PAK3: variants seen among roughly 807,000 people sequenced by gnomAD.
PAK3 encodes p21 (RAC1) activated kinase 3, also known as serine/threonine-protein kinase PAK 3.
In PAK3, 4 loss-of-function variants were observed where a neutral mutation model predicts 41.0. That is an observed-to-expected ratio of 0.10 (90% CI 0.05 to 0.22). The LOEUF (loss-of-function observed/expected upper bound fraction) is 0.22. Ranked by LOEUF, PAK3 falls within the 10% of genes least tolerant of loss-of-function variation. PAK3 has a pLI of 1.00. For missense variants in PAK3, 205 were observed against 409.9 expected (o/e 0.50, Z 4.32); for synonymous variants, 146 against 139.6 (o/e 1.05, Z -0.32).
intron 7 of PAK3, among the ~76,000 whole-genome samples, chrX:111,148,876 C>G (rs1025866986): frequency 9.0e-6 from 1 of 111,095 alleles, no homozygotes; most frequent in African/African-American, 3.3e-5. Flanking sequence ...CATTTCAGAA[C>G]CAATCATGCC....
chrX:111,103,481 G>A (rs769239717), intron 4 of PAK3, among the ~76,000 whole-genome samples, 175 bp downstream of exon 4: 7 of 112,164 alleles, frequency 6.2e-5, no homozygotes, highest in Non-Finnish European at 9.4e-5. Context: ...TTAGTCTCTT[G>A]CCTCCCTCCC....
chrX:111,160,830 G>A (rs1322793704), intron 8 of PAK3, among the ~76,000 whole-genome samples: 1 of 112,042 alleles, frequency 8.9e-6, no homozygotes, highest in Non-Finnish European at 1.9e-5. Context: ...ATTCCATGGT[G>A]TATATGTGCC....
chrX:110,972,810 C>G (rs896290448), intron 1 of PAK3, among the ~76,000 whole-genome samples: 1 of 111,196 alleles, frequency 9.0e-6, no homozygotes, highest in East Asian at 2.8e-4. Flanking sequence ...AAGCTAAAAA[C>G]CTTGAAAAAA....
intron 3 of PAK3, among the ~76,000 whole-genome samples, chrX:111,101,099 C>G (rs777636870): frequency 8.0e-5 from 9 of 112,029 alleles, no homozygotes; most frequent in Non-Finnish European, 1.7e-4. Flanking sequence ...TTGACATGAT[C>G]ACGTATACAA....
intron 16 of PAK3, among the ~76,000 whole-genome samples, chrX:111,210,638 CA>C (rs773810208): frequency 8.0e-5 from 9 of 111,916 alleles, no homozygotes; most frequent in African/African-American, 2.6e-4. Flanking sequence ...CTATTTTGTC[CA>C]GCAACAAAAA....
At chrX:111,212,865 A>G (rs1405387971) in intron 16 of PAK3, among the ~76,000 whole-genome samples, 1 of 112,069 alleles carries the variant, frequency 8.9e-6, no homozygotes, top group Non-Finnish European at 1.9e-5. Flanking sequence ...TCAAAAATTA[A>G]GTCACCAACA....
At position 111,189,365 on chromosome X, in the gene PAK3, A is replaced by T. The variant is rs780726209; in HGVS notation, c.831-2762A>T. On this transcript the variant is annotated intron_variant, in intron 11 of 17. Transcript: ENST00000372007. ...TTTTTTCCATGTCTTTGCTATCATG[A>T]ATAGTGCTGCAATGAACATACAAGT... Among the ~76,000 whole-genome samples the T allele has an allele frequency of 2.7e-5, 3 of 111,796 alleles. No individual in the cohort carries two copies. In the East Asian group the frequency reaches 8.4e-4, roughly 31 times the overall value.
chrX:111,159,983 G>A (rs1024953384), intron 8 of PAK3, among the ~76,000 whole-genome samples: 3 of 111,820 alleles, frequency 2.7e-5, no homozygotes, highest in Admixed American at 9.5e-5. Context: ...ATACATGATT[G>A]TAGAAAAGCC....
chrX:111,123,449 T>G (rs1283994249), intron 5 of PAK3, among the ~76,000 whole-genome samples, 171 bp downstream of exon 5: 1 of 113,068 alleles, frequency 8.8e-6, no homozygotes, highest in Non-Finnish European at 1.9e-5. Context: ...ATTGATTTAC[T>G]GTGGGCTGAC....
At chrX:111,006,478 G>C (rs1017705461) in intron 1 of PAK3, among the ~76,000 whole-genome samples, 1 of 111,924 alleles carries the variant, frequency 8.9e-6, no homozygotes, top group Non-Finnish European at 1.9e-5. Flanking sequence ...TGGCTCATCT[G>C]GGTGAGGGGT....
chrX:111,030,941 T>C (rs1047037656), intron 1 of PAK3, among the ~76,000 whole-genome samples: 1 of 111,423 alleles, frequency 9.0e-6, no homozygotes, highest in Non-Finnish European at 1.9e-5. Context: ...TACTAGTAAC[T>C]GTCTTAGAAT....
chrX:111,005,903 T>C, intron 1 of PAK3, among the ~76,000 whole-genome samples: 1 of 111,774 alleles, frequency 8.9e-6, no homozygotes, highest in East Asian at 2.8e-4. Flanking sequence ...AAAGGCCCAG[T>C]ACATCTCATA....
chrX:110,978,739 T>C (rs183772207), intron 1 of PAK3, among the ~76,000 whole-genome samples: 65 of 109,816 alleles, frequency 5.9e-4, no homozygotes, highest in African/African-American at 2.1e-3. Context: ...TTTCTTTCTT[T>C]CTTCTTTCCT....
At position 111,220,416 on chromosome X, in the gene PAK3, C is replaced by CA; in HGVS notation, c.1607dup (p.Glu537GlyfsTer4). The CA allele has an allele frequency of 8.3e-7, 1 of 1,200,173 alleles. No homozygotes were observed. The highest frequency in any genetic ancestry group is 1.1e-6 in the Non-Finnish European group (1 of 885,822). ...AGCCTGACTCCTCTGATTATCGCTGCAAAGGAAGCAATTAAGAACAGCAGC... is the reference window on the plus strand; with the variant it reads ...AGCCTGACTCCTCTGATTATCGCTGCAAAAGGAAGCAATTAAGAACAGCAGC... On this transcript the variant is annotated frameshift_variant, in exon 18 of 18. Coordinates refer to ENST00000372007, the MANE Select transcript of PAK3 (RefSeq NM_002578.5). LOFTEE classifies it high-confidence loss of function.
intron 1 of PAK3, among the ~76,000 whole-genome samples, chrX:111,057,834 G>A (rs1019798910): frequency 1.8e-5 from 2 of 111,333 alleles, no homozygotes; most frequent in African/African-American, 3.3e-5. Context: ...GTCACTCCCC[G>A]CTCTCCCCTA....
chrX:111,176,451 A>G (rs1216597721), intron 11 of PAK3, among the ~76,000 whole-genome samples: 1 of 110,948 alleles, frequency 9.0e-6, no homozygotes, highest in Non-Finnish European at 1.9e-5. Context: ...ACATATACCT[A>G]AGTAATAAAC....
At chrX:110,994,720 A>G (rs2091710942) in intron 1 of PAK3, among the ~76,000 whole-genome samples, 1 of 111,494 alleles carries the variant, frequency 9.0e-6, no homozygotes, top group Admixed American at 9.5e-5. Context: ...AGTTGAACCA[A>G]TGTTTGAATA....
intron 14 of PAK3, among the ~76,000 whole-genome samples, chrX:111,194,717 T>C (rs2094595126): frequency 8.9e-6 from 1 of 112,387 alleles, no homozygotes; most frequent in Admixed American, 9.4e-5. Context: ...GAAACAGTGA[T>C]ATTGGCATAG....
At chrX:111,096,766 G>GC (rs1394200740) in intron 1 of PAK3, 3 of 34,195 alleles carry the variant, frequency 8.8e-5, no homozygotes, top group East Asian at 2.6e-3. Flanking sequence ...CCCCCCGCCC[G>GC]CCCCCCTACC....
Sources: allele counts gnomAD v4.1 joint callset (sites outside exome capture counted in the v4.1 genomes callset), GRCh38; gene constraint gnomAD v4.1.1; transcripts MANE v1.5; gene names NCBI Gene and HGNC (gene_info 2026-07-23, HGNC 2026-07-21).